Variants in CAPZA2 observed in about 807,000 individuals in gnomAD.
The protein encoded by CAPZA2 is capping actin protein of muscle Z-line subunit alpha 2.
Under a neutral mutation model 44.0 loss-of-function variants are expected in CAPZA2, and 13 were observed. The observed-to-expected ratio is 0.30, with a 90% CI of 0.19 to 0.47. CAPZA2 has a LOEUF of 0.47. Ranked by LOEUF, CAPZA2 falls within the 20% of genes least tolerant of loss-of-function variation. CAPZA2 has a pLI of 1.00. For synonymous variants in CAPZA2, 94 were observed against 108.2 expected (o/e 0.87, Z 0.81); for missense variants, 244 against 338.6 (o/e 0.72, Z 2.19).
chr7:116,909,415 G>A (rs10252700), intron 6 of CAPZA2, among the ~76,000 whole-genome samples: 4 of 151,978 alleles, frequency 2.6e-5, no homozygotes, highest in African/African-American at 9.7e-5. Context: ...TGTCAAAAAA[G>A]AAAAATAAGA....
At chr7:116,864,122 CTG>C (rs1292146140) in intron 1 of CAPZA2, among the ~76,000 whole-genome samples, 13 of 152,114 alleles carry the variant, frequency 8.5e-5, no homozygotes, top group Admixed American at 7.2e-4. Flanking sequence ...ATTTAGGTGA[CTG>C]AAAGTGTACA....
chr7:116,897,893 A>G (rs1336108968), intron 3 of CAPZA2, among the ~76,000 whole-genome samples: 1 of 151,940 alleles, frequency 6.6e-6, no homozygotes, highest in African/African-American at 2.4e-5. Flanking sequence ...CCAATTCATC[A>G]TCTACACTGC....
At chr7:116,890,992 C>T (rs898125889) in intron 2 of CAPZA2, among the ~76,000 whole-genome samples, 2 of 151,886 alleles carry the variant, frequency 1.3e-5, no homozygotes, top group African/African-American at 2.4e-5. Context: ...TTAGAATCAT[C>T]GAAACATGGA....
chr7:116,867,354 T>G (rs1372441348), intron 1 of CAPZA2, among the ~76,000 whole-genome samples: 2 of 152,226 alleles, frequency 1.3e-5, no homozygotes, highest in East Asian at 3.8e-4. Flanking sequence ...TCCCTCCTGT[T>G]TCCTGTATCT....
At chr7:116,886,153 A>G (rs1562959134) in intron 1 of CAPZA2, 1 of 154,856 alleles carries the variant, frequency 6.5e-6, no homozygotes, top group South Asian at 2.0e-4. Flanking sequence ...CAAGTACTTT[A>G]GATCATTTAC....
At position 116,916,047 on chromosome 7, in the gene CAPZA2, T is replaced by TG. The variant is rs767665595; in HGVS notation, c.658-13_658-12insG. The TG allele has an allele frequency of 6.7e-7, 1 of 1,499,014 alleles. No homozygotes were observed. Among genetic ancestry groups the TG allele is most frequent in the African/African-American group, 1.4e-5 (1 of 69,510 alleles). 92.9% of individuals were successfully genotyped at this position (1,499,014 alleles called of 1,614,324 possible). On this transcript the variant is annotated splice_polypyrimidine_tract_variant and intron_variant, in intron 8 of 9. Coordinates refer to ENST00000361183, the MANE Select transcript of CAPZA2 (RefSeq NM_006136.3). ...TTAAATTACTATTTTTATTTTGTTTTTTTTTTTTTCAGAATGAAGTGCAAA... is the reference window on the plus strand; with the variant it reads ...TTAAATTACTATTTTTATTTTGTTTTGTTTTTTTTTCAGAATGAAGTGCAAA...
intron 2 of CAPZA2, among the ~76,000 whole-genome samples, chr7:116,890,526 ATAT>A (rs1201951961): frequency 9.4e-4 from 27 of 28,820 alleles, no homozygotes; most frequent in South Asian, 1.9e-3. Context: ...AAAAAAAAAA[ATAT>A]ATATATATAT....
At chr7:116,900,301 G>A (rs138733871) in intron 4 of CAPZA2, among the ~76,000 whole-genome samples, 9 of 150,680 alleles carry the variant, frequency 6.0e-5, no homozygotes, top group Admixed American at 5.3e-4. Flanking sequence ...TAGCAAATAA[G>A]ACAAAAACAT....
chr7:116,899,564 T>C (rs899738345), intron 4 of CAPZA2, among the ~76,000 whole-genome samples: 1 of 151,678 alleles, frequency 6.6e-6, no homozygotes, highest in African/African-American at 2.4e-5. Context: ...AGGGAAATTT[T>C]AAGCTTATTT....
intron 1 of CAPZA2, among the ~76,000 whole-genome samples, chr7:116,877,130 T>C (rs1485818114): frequency 6.6e-6 from 1 of 152,214 alleles, no homozygotes; most frequent in Non-Finnish European, 1.5e-5. Context: ...TCTCCCTGTT[T>C]TCCCTAAGTG....
Position 116,879,606 on chromosome 7 carries a change from T to G in CAPZA2, c.40-8521T>G, listed in dbSNP as rs150690341. 1.1e-4 allele frequency among the ~76,000 whole-genome samples: 17 copies of G among 152,214 alleles called. No homozygotes were observed. In the East Asian group the frequency reaches 3.3e-3, roughly 29 times the overall value. On this transcript the variant is annotated intron_variant, in intron 1 of 9. Coordinates refer to ENST00000361183, the MANE Select transcript of CAPZA2 (RefSeq NM_006136.3). ...TACACAGTTCACAATAGGGTGTGCA[T>G]TCCTATGAGAATCTCATGCTGCTGC...
At chr7:116,888,696 A>AG (rs1796794743) in intron 2 of CAPZA2, 2 of 151,438 alleles carry the variant, frequency 1.3e-5, no homozygotes, top group Non-Finnish European at 2.9e-5. Context: ...AAAAAAAAAA[A>AG]AAAGCCAGGT....
At chr7:116,917,604 TTGAC>T (rs1791698642) in intron 9 of CAPZA2, 119 bp from the exon 10 acceptor site, 1 of 743,012 alleles carries the variant, frequency 1.3e-6, no homozygotes, top group Non-Finnish European at 2.3e-6. Flanking sequence ...GGGATTTTAT[TTGAC>T]TGTTTAAAAA....
chr7:116,893,230 AAGCGATTCTTCTGCCTCAGCCTCCCGAGT>A (rs1796874266), intron 3 of CAPZA2, among the ~76,000 whole-genome samples, 185 bp downstream of exon 3: 2 of 152,072 alleles, frequency 1.3e-5, no homozygotes, highest in Non-Finnish European at 2.9e-5. Flanking sequence ...TCCCGGGTAC[AAGCGATTCTTCTGCCTCAGCCTCCCGAGT>A]AGCTGGGACT....
intron 8 of CAPZA2, 156 bp from the exon 9 acceptor site, chr7:116,915,904 C>T: frequency 2.0e-6 from 1 of 507,682 alleles, no homozygotes; most frequent in Non-Finnish European, 3.2e-6. Context: ...CTATTTTCCC[C>T]TTAGACTTAG....
chr7:116,906,242 C>T (rs750335432), intron 5 of CAPZA2, 21 bp from the exon 6 acceptor site: 2 of 1,604,286 alleles, frequency 1.2e-6, no homozygotes, highest in African/African-American at 2.7e-5. Context: ...CATTCTTATG[C>T]TTATTTTCTT....
intron 1 of CAPZA2, among the ~76,000 whole-genome samples, chr7:116,880,499 G>A (rs1050646678): frequency 1.1e-4 from 17 of 151,604 alleles, no homozygotes; most frequent in Admixed American, 5.3e-4. Flanking sequence ...CCGGATTCAA[G>A]CAATTCTCCT....
chr7:116,910,990 CAAAAA>C (rs57772383), intron 7 of CAPZA2, among the ~76,000 whole-genome samples: 2 of 50,606 alleles, frequency 4.0e-5, no homozygotes, highest in Non-Finnish European at 4.0e-5. Context: ...GACTCCGTCT[CAAAAA>C]AAAAAAAAAA....
chr7:116,865,781 G>A (rs1480275150), intron 1 of CAPZA2, among the ~76,000 whole-genome samples: 1 of 152,024 alleles, frequency 6.6e-6, no homozygotes, highest in African/African-American at 2.4e-5. Flanking sequence ...AAGGTCTCAC[G>A]ATGTTGTCCA....
Sources: allele counts gnomAD v4.1 joint callset (sites outside exome capture counted in the v4.1 genomes callset), GRCh38; gene constraint gnomAD v4.1.1; transcripts MANE v1.5; gene names NCBI Gene and HGNC (gene_info 2026-07-23, HGNC 2026-07-21).